Variants in EPB41L3 observed in about 807,000 individuals in gnomAD.
EPB41L3 encodes the protein band 4.1-like protein 3.
EPB41L3 carries 57 observed loss-of-function variants against 127.1 expected under a neutral mutation model. That is an observed-to-expected ratio of 0.45 (90% CI 0.36 to 0.56). The LOEUF is 0.56. Ranked by LOEUF, EPB41L3 falls within the 20% of genes least tolerant of loss-of-function variation. The probability of loss-of-function intolerance (pLI) is 0.00; values close to 1 mark genes in which losing one functional copy is unlikely to be tolerated. For missense variants in EPB41L3, 1,273 were observed against 1,372.2 expected (o/e 0.93, Z 1.14); for synonymous variants, 572 against 549.5 (o/e 1.04, Z -0.57).
chr18:5,416,981 G>A (rs538246946), intron 12 of EPB41L3, among the ~76,000 whole-genome samples: 2 of 152,200 alleles, frequency 1.3e-5, no homozygotes, highest in Admixed American at 6.5e-5. Context: ...TTACAATCAG[G>A]GATTCGACAG....
chr18:5,420,727 C>T (rs2077374119), intron 11 of EPB41L3, among the ~76,000 whole-genome samples: 1 of 152,104 alleles, frequency 6.6e-6, no homozygotes, highest in African/African-American at 2.4e-5. Context: ...AAAGTTGGTA[C>T]TCATTATTTT....
chr18:5,551,665 A>C (rs1186230378), intron 3 of EPB41L3, among the ~76,000 whole-genome samples: 5 of 152,158 alleles, frequency 3.3e-5, no homozygotes, highest in Admixed American at 3.3e-4. Context: ...GGCTGCAGTG[A>C]GTTGTGATAG....
intron 21 of EPB41L3, 44 bp from the exon 22 acceptor site, chr18:5,394,837 G>A: frequency 6.3e-7 from 1 of 1,576,030 alleles, no homozygotes; most frequent in Middle Eastern, 1.7e-4. Context: ...AAAAGGAGGT[G>A]GAACATGCAT....
At chr18:5,583,776 A>G (rs2094417215) in intron 3 of EPB41L3, among the ~76,000 whole-genome samples, 1 of 152,170 alleles carries the variant, frequency 6.6e-6, no homozygotes, top group Non-Finnish European at 1.5e-5. Flanking sequence ...GAAACTTTCA[A>G]GTTAGCCATT....
At chr18:5,495,705 G>A (rs969204922) in intron 1 of EPB41L3, among the ~76,000 whole-genome samples, 2 of 152,182 alleles carry the variant, frequency 1.3e-5, no homozygotes, top group Non-Finnish European at 2.9e-5. Flanking sequence ...AGGGAAATCA[G>A]GAATAAATAA....
At chr18:5,480,657 T>C (rs965714717) in intron 2 of EPB41L3, among the ~76,000 whole-genome samples, 1 of 152,208 alleles carries the variant, frequency 6.6e-6, no homozygotes, top group Admixed American at 6.5e-5. Flanking sequence ...CTTCATTTTG[T>C]AGACCAAGTG....
intron 22 of EPB41L3, chr18:5,394,017 A>G (rs2072872201): frequency 6.5e-6 from 1 of 154,200 alleles, no homozygotes. Context: ...CTGGAAAGGT[A>G]TGTGCTTTCT....
intron 11 of EPB41L3, 41 bp downstream of exon 11, chr18:5,423,337 G>T: frequency 2.0e-6 from 3 of 1,494,772 alleles, no homozygotes; most frequent in African/African-American, 1.4e-5. Context: ...TTCTTTTTGG[G>T]GTAGGTACTA....
intron 3 of EPB41L3, among the ~76,000 whole-genome samples, chr18:5,585,574 A>G (rs572367117): frequency 1.1e-4 from 16 of 152,342 alleles, no homozygotes; most frequent in African/African-American, 3.8e-4. Context: ...AAAAGATTCT[A>G]TTGAATGCTG....
At chr18:5,448,128 T>C (rs939459120) in intron 3 of EPB41L3, among the ~76,000 whole-genome samples, 2 of 152,186 alleles carry the variant, frequency 1.3e-5, no homozygotes, top group Admixed American at 6.5e-5. Context: ...AAGATTCTAC[T>C]GAGCAAGATG....
At chr18:5,605,287 G>A (rs538559006) in intron 3 of EPB41L3, among the ~76,000 whole-genome samples, 84 of 152,224 alleles carry the variant, frequency 5.5e-4, no homozygotes, top group African/African-American at 1.9e-3. Context: ...TCTCACAGCC[G>A]ACATCTTAAG....
chr18:5,477,024 T>C (rs1277144682), intron 3 of EPB41L3, among the ~76,000 whole-genome samples: 2 of 152,210 alleles, frequency 1.3e-5, no homozygotes, highest in African/African-American at 2.4e-5. Context: ...AAAAACCATA[T>C]AGACTTTTTT....
intron 1 of EPB41L3, among the ~76,000 whole-genome samples, chr18:5,498,445 T>G (rs930795148): frequency 1.3e-5 from 2 of 151,680 alleles, no homozygotes; most frequent in African/African-American, 2.4e-5. Flanking sequence ...AATACAAATA[T>G]CACCTGGGTG....
intron 3 of EPB41L3, among the ~76,000 whole-genome samples, chr18:5,549,679 G>A (rs2093936514): frequency 1.3e-5 from 2 of 152,150 alleles, no homozygotes; most frequent in Admixed American, 1.3e-4. Flanking sequence ...AACTGAGTCG[G>A]AAGCTCTGGG....
intron 1 of EPB41L3, among the ~76,000 whole-genome samples, chr18:5,526,067 A>G (rs914314070): frequency 2.0e-5 from 3 of 152,174 alleles, no homozygotes; most frequent in Non-Finnish European, 4.4e-5. Context: ...GAAAACCATA[A>G]AAACAATTAT....
At chr18:5,415,588 T>G (rs1347416944) in intron 13 of EPB41L3, among the ~76,000 whole-genome samples, 2 of 152,202 alleles carry the variant, frequency 1.3e-5, no homozygotes, top group African/African-American at 4.8e-5. Flanking sequence ...TAGAACTCAG[T>G]GGGTAGCAGA....
At chr18:5,568,108 G>A (rs946721421) in intron 3 of EPB41L3, among the ~76,000 whole-genome samples, 2 of 152,014 alleles carry the variant, frequency 1.3e-5, no homozygotes, top group African/African-American at 4.8e-5. Context: ...GTTTGTTCTT[G>A]TGCTTCTGAA....
In EPB41L3 at chr18:5,395,628, G is replaced by T. The variant is rs760444006; in HGVS notation, c.3053C>A (p.Thr1018Asn). The part of the protein sequence containing the change: ...TITSETTSTT[T>N]TTHITKTVKG... ...ACTTACTTTGGTGATGTGCGTAGTG[G>T]TGGTGGTACTGGTGGTTTCAGATGT... is the stretch of plus-strand genomic sequence containing the variant. The change falls in exon 20 of 23, where the codon ACC (threonine) becomes AAC (asparagine). Residue 1018 changes from threonine (T) to asparagine (N), a missense_variant. By Grantham distance (65) the Thr-to-Asn change is moderately conservative. Transcript: ENST00000341928. 4.3e-6 allele frequency: 7 copies of T among 1,613,968 alleles called. No homozygotes were observed. The highest frequency in any genetic ancestry group is 1.7e-5 in the Admixed American group (1 of 60,004).
At chr18:5,506,227 A>G (rs1245736604) in intron 1 of EPB41L3, among the ~76,000 whole-genome samples, 1 of 152,062 alleles carries the variant, frequency 6.6e-6, no homozygotes, top group Non-Finnish European at 1.5e-5. Flanking sequence ...TCCTTTTACA[A>G]TATAAATAAA....
Sources: gnomAD v4.1 joint callset for allele counts (sites outside exome capture counted in the v4.1 genomes callset) on GRCh38, gnomAD v4.1.1 for gene constraint, MANE v1.5 for transcripts, NCBI Gene and HGNC (gene_info 2026-07-23, HGNC 2026-07-21) for gene names.